The following TM4SF18 variants were observed in gnomAD, a reference collection of about 807,000 sequenced individuals.
The protein encoded by TM4SF18 is transmembrane 4 L six family member 18.
Under a neutral mutation model 23.8 loss-of-function variants are expected in TM4SF18, and 22 were observed. The observed-to-expected ratio is 0.92, with a 90% CI of 0.66 to 1.32. The LOEUF (loss-of-function observed/expected upper bound fraction) is 1.32. Ranked by LOEUF, TM4SF18 falls within the 40% of genes most tolerant of loss-of-function variation. The pLI is 0.00. For synonymous variants in TM4SF18, 87 were observed against 87.9 expected (o/e 0.99, Z 0.06); for missense variants, 255 against 240.3 (o/e 1.06, Z -0.41).
chr3:149,332,155 G>A (rs1731100630), intron 2 of TM4SF18, among the ~76,000 whole-genome samples: 2 of 151,920 alleles, frequency 1.3e-5, no homozygotes, highest in Non-Finnish European at 1.5e-5. Flanking sequence ...GCCAATATTA[G>A]TTATGTACTT....
chr3:149,330,805 C>T (rs1359013945), intron 2 of TM4SF18, among the ~76,000 whole-genome samples: 1 of 152,162 alleles, frequency 6.6e-6, no homozygotes, highest in Non-Finnish European at 1.5e-5. Context: ...CAAGGAAAAT[C>T]ATTCAGCAGG....
intron 2 of TM4SF18, among the ~76,000 whole-genome samples, chr3:149,332,519 C>G (rs1731107454): frequency 6.6e-6 from 1 of 152,152 alleles, no homozygotes; most frequent in Admixed American, 6.6e-5. Flanking sequence ...ATTTACTTTT[C>G]AAAAACTCCC....
intron 3 of TM4SF18, among the ~76,000 whole-genome samples, chr3:149,329,427 C>A (rs944486386): frequency 2.6e-5 from 4 of 152,040 alleles, no homozygotes; most frequent in Admixed American, 1.3e-4. Context: ...GTTCCAAGCT[C>A]CCAGGTGATT....
Position 149,322,351 on chromosome 3 carries a change from T to G in TM4SF18, c.496A>C (p.Ile166Leu), listed in dbSNP as rs773323485. Residue 166 changes from isoleucine to leucine, a missense_variant, in exon 5 of 6, where the codon ATA becomes CTA. Coordinates refer to ENST00000296059, the MANE Select transcript of TM4SF18 (RefSeq NM_138786.4). ...EWNIILFSIL[I>L]TLSGLQVIIC... The stretch of plus-strand genomic sequence containing the variant: ...ATCACTTGAAGCCCACTGAGGGTTA[T>G]GAGAATGGAAAATAAAATGATGTTC... 6.2e-7 allele frequency: 1 copy of G among 1,614,040 alleles called. No individual in the cohort carries two copies.
chr3:149,330,440 A>G (rs1017895594), intron 2 of TM4SF18, 21 bp from the exon 3 acceptor site: 1 of 1,485,010 alleles, frequency 6.7e-7, no homozygotes, highest in African/African-American at 1.4e-5. Flanking sequence ...GAAGACATAA[A>G]ATGTTAGCAA....
chr3:149,328,249 G>A (rs1011940999), intron 3 of TM4SF18, among the ~76,000 whole-genome samples: 1 of 152,120 alleles, frequency 6.6e-6, no homozygotes, highest in African/African-American at 2.4e-5. Context: ...TGTCTGGTGA[G>A]GGCTCATTCC....
chr3:149,322,782 A>G (rs888826757), intron 4 of TM4SF18, among the ~76,000 whole-genome samples: 1 of 151,992 alleles, frequency 6.6e-6, no homozygotes, highest in African/African-American at 2.4e-5. Context: ...CACTCTGAGA[A>G]TTTCTTTATA....
intron 2 of TM4SF18, among the ~76,000 whole-genome samples, chr3:149,331,486 T>C (rs933360328): frequency 3.3e-5 from 5 of 152,170 alleles, no homozygotes; most frequent in African/African-American, 1.2e-4. Context: ...CTAATCTTAG[T>C]TATGTCTTGC....
At position 149,325,005 on chromosome 3, in the gene TM4SF18, G is replaced by C. The variant is rs1383591404; in HGVS notation, c.285C>G (p.Ile95Met). The part of the protein sequence containing the change: ...SKKYVTLLSI[I>M]FSSLGIAFSG... ...AAAAAGCAATTCCGAGGGAAGAAAA[G>C]ATAATTGACAGCAGTGTCTAAATTA... Residue 95 changes from isoleucine (I) to methionine (M), a missense_variant, in exon 4 of 6, where the codon ATC becomes ATG. Ile to Met is a conservative substitution (Grantham distance 10). Coordinates refer to ENST00000296059, the MANE Select transcript of TM4SF18 (RefSeq NM_138786.4). 3.1e-6 allele frequency: 5 copies of C among 1,613,848 alleles called. No homozygotes were observed. The highest frequency in any genetic ancestry group is 3.3e-5 in the Admixed American group (2 of 59,992).
chr3:149,326,679 T>C (rs911987142), intron 3 of TM4SF18, among the ~76,000 whole-genome samples: 4 of 152,218 alleles, frequency 2.6e-5, no homozygotes, highest in African/African-American at 7.2e-5. Context: ...CCATTTCCCA[T>C]TCCTCTCTCC....
chr3:149,324,818 T>G, intron 4 of TM4SF18, 62 bp downstream of exon 4: 1 of 1,601,782 alleles, frequency 6.2e-7, no homozygotes, highest in Non-Finnish European at 8.5e-7. Context: ...AGCGTGAGCT[T>G]GAGCATGAGG....
chr3:149,322,347 G>T lies in TM4SF18; in HGVS notation c.500C>A (p.Thr167Asn). The T allele has an allele frequency of 1.9e-6, 3 of 1,613,958 alleles. No individual in the cohort carries two copies. The highest frequency in any genetic ancestry group is 2.5e-6 in the Non-Finnish European group (3 of 1,179,944). Residue 167 changes from threonine to asparagine, a missense_variant, in exon 5 of 6, where the codon ACC (threonine) becomes AAC (asparagine). Transcript: ENST00000296059. ...WNIILFSILI[T>N]LSGLQVIICL... is the part of the protein sequence containing the mutation. Reference sequence around the variant, plus strand: ...GATGATCACTTGAAGCCCACTGAGGGTTATGAGAATGGAAAATAAAATGAT... The same window carrying T: ...GATGATCACTTGAAGCCCACTGAGGTTTATGAGAATGGAAAATAAAATGAT...
intron 3 of TM4SF18, among the ~76,000 whole-genome samples, chr3:149,327,136 T>C (rs925070971): frequency 1.3e-5 from 2 of 152,062 alleles, no homozygotes; most frequent in African/African-American, 2.4e-5. Flanking sequence ...TTTTAGTAGA[T>C]ATGGGGTTTC....
chr3:149,325,393 G>T (rs965006991), intron 3 of TM4SF18, among the ~76,000 whole-genome samples: 1 of 152,062 alleles, frequency 6.6e-6, no homozygotes, highest in African/African-American at 2.4e-5. Flanking sequence ...GGTTCTCTAA[G>T]AATTATAAGC....
intron 4 of TM4SF18, among the ~76,000 whole-genome samples, chr3:149,324,196 C>G (rs1477815582): frequency 1.3e-5 from 2 of 152,152 alleles, no homozygotes; most frequent in African/African-American, 2.4e-5. Context: ...CCAATAAGCC[C>G]AGCACAATGC....
In TM4SF18 at chr3:149,330,329, C is replaced by T. The variant is rs1731062066; in HGVS notation, c.267+1G>A. ...ATCCTCAAAAAAACTGTTGCTCTTACCACATATTTTTTGCTGCAGTTTTCA... is the reference window on the plus strand; with the variant it reads ...ATCCTCAAAAAAACTGTTGCTCTTATCACATATTTTTTGCTGCAGTTTTCA... On this transcript the variant is annotated splice_donor_variant, in intron 3 of 5. Transcript: ENST00000296059. LOFTEE classifies it high-confidence loss of function. The T allele has an allele frequency of 1.2e-6, 2 of 1,607,982 alleles. No homozygotes were observed. Among genetic ancestry groups the T allele is most frequent in the Admixed American group, 1.7e-5 (1 of 59,610 alleles).
chr3:149,321,726 A>G (rs1730813045), intron 5 of TM4SF18, among the ~76,000 whole-genome samples: 2 of 152,228 alleles, frequency 1.3e-5, no homozygotes, highest in Admixed American at 6.5e-5. Flanking sequence ...AGCAGTTTCA[A>G]CCATAACTAA....
chr3:149,329,221 C>T (rs1043063367), intron 3 of TM4SF18, among the ~76,000 whole-genome samples: 2 of 151,186 alleles, frequency 1.3e-5, no homozygotes, highest in South Asian at 4.2e-4. Flanking sequence ...ATTTTCAATT[C>T]TTCTCCATAA....
At chr3:149,326,785 C>T (rs1287348196) in intron 3 of TM4SF18, among the ~76,000 whole-genome samples, 3 of 152,152 alleles carry the variant, frequency 2.0e-5, no homozygotes, top group Admixed American at 6.5e-5. Context: ...ACAGATGGTC[C>T]AAATTCGGCC....
Sources: gnomAD v4.1 joint callset for allele counts (sites outside exome capture counted in the v4.1 genomes callset) on GRCh38, gnomAD v4.1.1 for gene constraint, MANE v1.5 for transcripts, NCBI Gene and HGNC (gene_info 2026-07-23, HGNC 2026-07-21) for gene names.